ROR1: variants seen among roughly 807,000 people sequenced by gnomAD.
The protein encoded by ROR1 is ROR family WNT receptor 1.
In ROR1, 19 loss-of-function variants were observed where a neutral mutation model predicts 78.8. The ratio of observed to expected loss-of-function variants is 0.24; its 90% CI spans 0.17 to 0.35. ROR1 has a LOEUF of 0.35. Ranked by LOEUF, ROR1 falls within the 10% of genes least tolerant of loss-of-function variation. ROR1 has a pLI of 1.00. For missense variants in ROR1, 917 were observed against 1,177.8 expected (o/e 0.78, Z 3.24); for synonymous variants, 386 against 433.6 (o/e 0.89, Z 1.36).
In ROR1 at chr1:64,051,455, T is replaced by TAAAAAAA. The variant is rs369511325; in HGVS notation, c.482+745_482+746insAAAAAAA. On this transcript the variant is annotated intron_variant, in intron 4 of 8. Coordinates refer to ENST00000371079, the MANE Select transcript of ROR1 (RefSeq NM_005012.4). ...GCAGAGTGAGACTCCGTCTCAAAAA[T>TAAAAAAA]AAAAAATAAAATAAAATAAAATAAA... 7.6e-3 allele frequency among the ~76,000 whole-genome samples: 297 copies of TAAAAAAA among 39,250 alleles called. 13 individuals carry two copies. Among genetic ancestry groups the TAAAAAAA allele is most frequent in the African/African-American group, 0.014 (278 of 19,622 alleles). 25.7% of individuals were successfully genotyped at this position (39,250 alleles called of 152,430 possible).
At chr1:63,853,725 A>C (rs1645130872) in intron 1 of ROR1, among the ~76,000 whole-genome samples, 1 of 152,234 alleles carries the variant, frequency 6.6e-6, no homozygotes, top group Non-Finnish European at 1.5e-5. Context: ...TTTCATTACC[A>C]ATGGAGCATG....
chr1:64,156,639 G>A (rs1393277401), intron 7 of ROR1, among the ~76,000 whole-genome samples: 2 of 151,092 alleles, frequency 1.3e-5, no homozygotes, highest in South Asian at 2.1e-4. Flanking sequence ...CCCGGGAGGC[G>A]GACGTTGCAG....
At chr1:63,907,372 C>T (rs1340363882) in intron 1 of ROR1, among the ~76,000 whole-genome samples, 4 of 152,152 alleles carry the variant, frequency 2.6e-5, no homozygotes, top group African/African-American at 9.7e-5. Context: ...TGTAAAGAGG[C>T]CATTGATTCC....
rs1050676745 is a variant in ROR1 at position 64,179,857 on chromosome 1, A to G, written c.*1002A>G. ...CGAGGCATTGGAGTGCTTATGGTCA[A>G]TGGGCTCTAGGGAAGTAGGAAACTC... On this transcript the variant is annotated 3_prime_UTR_variant, in exon 9 of 9. Coordinates refer to ENST00000371079, the MANE Select transcript of ROR1 (RefSeq NM_005012.4). 1 of 152,174 alleles carries G rather than the reference A, an allele frequency of 6.6e-6. No individual in the cohort carries two copies. The highest frequency in any genetic ancestry group is 1.5e-5 in the Non-Finnish European group (1 of 68,042). 9.4% of individuals were successfully genotyped at this position (152,174 alleles called of 1,614,324 possible). A position where few individuals can be genotyped will look rare whatever the true frequency, so the allele number is the denominator to read the frequency against.
At chr1:64,073,754 A>G (rs1293398942) in intron 4 of ROR1, among the ~76,000 whole-genome samples, 1 of 151,858 alleles carries the variant, frequency 6.6e-6, no homozygotes, top group Non-Finnish European at 1.5e-5. Flanking sequence ...CTCTTTGAAG[A>G]GCTCTGAAGG....
intron 1 of ROR1, among the ~76,000 whole-genome samples, chr1:63,935,433 T>TAAC (rs2100449652): frequency 6.6e-6 from 1 of 152,234 alleles, no homozygotes; most frequent in South Asian, 2.1e-4. Flanking sequence ...TCAGGTTAAT[T>TAAC]GTAGAGGGTG....
chr1:64,010,200 C>T (rs924013638), intron 2 of ROR1, among the ~76,000 whole-genome samples: 4 of 152,128 alleles, frequency 2.6e-5, no homozygotes, highest in Non-Finnish European at 4.4e-5. Context: ...ATTATCCAGT[C>T]TTGTCTAATC....
intron 1 of ROR1, among the ~76,000 whole-genome samples, chr1:63,823,657 T>C (rs1381669352): frequency 6.6e-6 from 1 of 152,042 alleles, no homozygotes; most frequent in Non-Finnish European, 1.5e-5. Flanking sequence ...CTTGCTATGT[T>C]GCACAGGCTG....
At chr1:64,019,420 A>C (rs1423571101) in intron 2 of ROR1, among the ~76,000 whole-genome samples, 1 of 152,166 alleles carries the variant, frequency 6.6e-6, no homozygotes, top group East Asian at 1.9e-4. Context: ...ACCAGCCTTC[A>C]AGTGTTGTTG....
At chr1:64,158,567 T>C (rs1320000066) in intron 7 of ROR1, among the ~76,000 whole-genome samples, 1 of 152,218 alleles carries the variant, frequency 6.6e-6, no homozygotes, top group Non-Finnish European at 1.5e-5. Context: ...AACACCATCT[T>C]GTGGGGGCTG....
Position 63,797,718 on chromosome 1 carries a change from G to T in ROR1, c.91+23210G>T, listed in dbSNP as rs1438357019. ...TGAGGGCTATATATATCTTTAAAAAGGATTCAGCATAGCCACTGGTAGTTG... is the reference window on the plus strand; with the variant it reads ...TGAGGGCTATATATATCTTTAAAAATGATTCAGCATAGCCACTGGTAGTTG... On this transcript the variant is annotated intron_variant, in intron 1 of 8. Transcript: ENST00000371079. Among the ~76,000 whole-genome samples, 3 of 152,090 alleles carry T rather than the reference G, an allele frequency of 2.0e-5. No homozygotes were observed. In the South Asian group the frequency reaches 6.2e-4, roughly 32 times the overall value.
Position 63,848,877 on chromosome 1 carries a change from G to A in ROR1, c.91+74369G>A, listed in dbSNP as rs80077121. ...AGACAGAATGATTTAGAATCTTAAT[G>A]TACTCAGTAAACCGAGTGAACAGAG... On this transcript the variant is annotated intron_variant, in intron 1 of 8. Coordinates refer to ENST00000371079, the MANE Select transcript of ROR1 (RefSeq NM_005012.4). 1.0e-2 allele frequency among the ~76,000 whole-genome samples: 1,518 copies of A among 152,282 alleles called. 19 individuals are homozygous for A. Among genetic ancestry groups the A allele is most frequent in the African/African-American group, 0.035 (1,457 of 41,546 alleles).
chr1:63,988,515 G>A (rs58484076), intron 1 of ROR1, among the ~76,000 whole-genome samples: 5,087 of 152,202 alleles, frequency 0.033, 285 homozygotes, highest in African/African-American at 0.12. Context: ...ACCATTTTAG[G>A]TGTGCAGTTC....
intron 1 of ROR1, among the ~76,000 whole-genome samples, chr1:64,007,544 C>T (rs1646438941): frequency 6.6e-6 from 1 of 152,040 alleles, no homozygotes; most frequent in Non-Finnish European, 1.5e-5. Flanking sequence ...TTTAACAGCC[C>T]GTAAGTACTT....
At chr1:63,800,097 T>C (rs1018535112) in intron 1 of ROR1, among the ~76,000 whole-genome samples, 28 of 152,072 alleles carry the variant, frequency 1.8e-4, no homozygotes, top group African/African-American at 5.8e-4. Context: ...GGCTCAAAGA[T>C]GGGGATGCTT....
At chr1:64,045,556 A>G (rs867894412) in intron 2 of ROR1, among the ~76,000 whole-genome samples, 2 of 152,144 alleles carry the variant, frequency 1.3e-5, no homozygotes, top group South Asian at 2.1e-4. Context: ...TCTATCCTAC[A>G]GCATGGACTC....
intron 1 of ROR1, among the ~76,000 whole-genome samples, chr1:63,912,235 C>G (rs937731501): frequency 4.0e-5 from 6 of 150,844 alleles, no homozygotes; most frequent in African/African-American, 1.5e-4. Flanking sequence ...AAATTCAAGG[C>G]TGCAGCAAGC....
At chr1:63,952,437 C>T (rs1005526731) in intron 1 of ROR1, among the ~76,000 whole-genome samples, 2 of 152,114 alleles carry the variant, frequency 1.3e-5, no homozygotes, top group Non-Finnish European at 2.9e-5. Context: ...GAGCATGGGA[C>T]ATCAGAGGCC....
chr1:64,102,581 T>C (rs890757321), intron 4 of ROR1, among the ~76,000 whole-genome samples: 15 of 152,204 alleles, frequency 9.9e-5, no homozygotes, highest in African/African-American at 3.1e-4. Context: ...TATGCCAGCA[T>C]TGTGCTGGTG....
Sources: allele counts gnomAD v4.1 joint callset (sites outside exome capture counted in the v4.1 genomes callset), GRCh38; gene constraint gnomAD v4.1.1; transcripts MANE v1.5; gene names NCBI Gene and HGNC (gene_info 2026-07-23, HGNC 2026-07-21).